The following PDE3A variants were observed in gnomAD, a reference collection of about 807,000 sequenced individuals.
PDE3A encodes phosphodiesterase 3A, also known as cGMP-inhibited 3',5'-cyclic phosphodiesterase 3A.
Under a neutral mutation model 98.3 loss-of-function variants are expected in PDE3A, and 43 were observed. That is an observed-to-expected ratio of 0.44 (90% CI 0.34 to 0.56). The LOEUF (loss-of-function observed/expected upper bound fraction) is 0.56, where lower values mean the gene tolerates loss of function less well. PDE3A is among the 20% of genes least tolerant of loss of function. PDE3A has a pLI of 0.01. For missense variants in PDE3A, 1,427 were observed against 1,440.7 expected (o/e 0.99, Z 0.15); for synonymous variants, 663 against 567.9 (o/e 1.17, Z -2.38).
intron 1 of PDE3A, among the ~76,000 whole-genome samples, chr12:20,412,765 C>T (rs898358977): frequency 2.0e-5 from 3 of 152,144 alleles, no homozygotes; most frequent in East Asian, 1.9e-4. Context: ...TCAAGGTAGT[C>T]GTTGAGTGGG....
At chr12:20,664,773 C>A (rs1365166563) in intron 15 of PDE3A, among the ~76,000 whole-genome samples, 1 of 152,128 alleles carries the variant, frequency 6.6e-6, no homozygotes, top group Non-Finnish European at 1.5e-5. Flanking sequence ...CTCTTGAGTC[C>A]ATTAAACCTC....
At chr12:20,441,729 G>A (rs758045691) in intron 1 of PDE3A, among the ~76,000 whole-genome samples, 1 of 152,062 alleles carries the variant, frequency 6.6e-6, no homozygotes, top group Non-Finnish European at 1.5e-5. Context: ...GGATGTTTTT[G>A]AGCAGAGTGA....
chr12:20,583,640 A>AC (rs746045540), intron 2 of PDE3A, among the ~76,000 whole-genome samples: 6 of 152,158 alleles, frequency 3.9e-5, no homozygotes, highest in Non-Finnish European at 7.4e-5. Flanking sequence ...ATTAGTACCT[A>AC]CTTTTCTGGA....
In PDE3A at chr12:20,680,034, G is replaced by T. The variant is rs1254219840; in HGVS notation, c.3189G>T (p.Lys1063Asn). The T allele has an allele frequency of 1.3e-6, 2 of 1,592,064 alleles. No homozygotes were observed. The stretch of plus-strand genomic sequence containing the variant: ...TTTTTATTTTATTTATTTTAGAAAA[G>T]AAGACTTTCAAAAGGAGAAAAATCT... ...ETCENNESPK[K>N]KTFKRRKIYC... Residue 1063 changes from lysine (K) to asparagine (N), a missense_variant, in exon 16 of 16, where the codon AAG becomes AAT. By Grantham distance (94) the Lys-to-Asn change is moderately conservative. Around this residue, in one of 3 missense-constraint regions of PDE3A, gnomAD observed 142 missense variants for 133.9 expected, o/e 1.06. Coordinates refer to ENST00000359062, the MANE Select transcript of PDE3A (RefSeq NM_000921.5).
intron 2 of PDE3A, among the ~76,000 whole-genome samples, chr12:20,587,659 A>G (rs1227525836): frequency 1.3e-5 from 2 of 152,236 alleles, no homozygotes; most frequent in African/African-American, 2.4e-5. Flanking sequence ...ATAAATGTAC[A>G]TCTAAGCTTC....
chr12:20,518,472 G>A (rs1263676095), intron 1 of PDE3A, among the ~76,000 whole-genome samples: 1 of 151,900 alleles, frequency 6.6e-6, no homozygotes, highest in African/African-American at 2.4e-5. Flanking sequence ...TTTACCTGTG[G>A]CTAATAAAAT....
At chr12:20,578,205 T>C (rs560409619) in intron 2 of PDE3A, among the ~76,000 whole-genome samples, 17 of 152,222 alleles carry the variant, frequency 1.1e-4, no homozygotes, top group Admixed American at 1.1e-3. Flanking sequence ...CTATATTCTT[T>C]ATGATCTTTA....
At chr12:20,516,056 T>C (rs1413543599) in intron 1 of PDE3A, among the ~76,000 whole-genome samples, 1 of 151,764 alleles carries the variant, frequency 6.6e-6, no homozygotes, top group Non-Finnish European at 1.5e-5. Flanking sequence ...TCAGAACATG[T>C]TGGCTTAGTA....
chr12:20,577,127 A>AC (rs983539717), intron 2 of PDE3A, among the ~76,000 whole-genome samples: 11 of 151,948 alleles, frequency 7.2e-5, no homozygotes, highest in Non-Finnish European at 1.3e-4. Context: ...TACATGAACC[A>AC]CCCCCACCCC....
At chr12:20,500,576 G>C (rs560140260) in intron 1 of PDE3A, among the ~76,000 whole-genome samples, 1 of 151,754 alleles carries the variant, frequency 6.6e-6, no homozygotes, top group East Asian at 1.9e-4. Flanking sequence ...TCTTTCTTCA[G>C]GATTTTTTTT....
At chr12:20,554,189 A>G (rs549593971) in intron 1 of PDE3A, among the ~76,000 whole-genome samples, 10 of 151,710 alleles carry the variant, frequency 6.6e-5, no homozygotes, top group African/African-American at 2.4e-4. Flanking sequence ...TTTAAATCAC[A>G]TACCTGCAGA....
chr12:20,541,041 A>G (rs12820858), intron 1 of PDE3A, among the ~76,000 whole-genome samples: 70,838 of 140,128 alleles, frequency 0.51, 18,354 homozygotes, highest in South Asian at 0.61. Context: ...AGTGTATATT[A>G]TTGACTCAAA....
chr12:20,611,275 AAATT>A (rs1300314405), intron 2 of PDE3A, among the ~76,000 whole-genome samples: 3 of 151,932 alleles, frequency 2.0e-5, no homozygotes, highest in African/African-American at 7.2e-5. Context: ...ATGTATCCTA[AAATT>A]ATTAATATTA....
intron 2 of PDE3A, among the ~76,000 whole-genome samples, chr12:20,597,973 T>G (rs1565443561): frequency 6.6e-6 from 1 of 151,944 alleles, no homozygotes; most frequent in Non-Finnish European, 1.5e-5. Flanking sequence ...CTATCATACT[T>G]ATGTTTTTTT....
chr12:20,529,252 A>C (rs1946579715), intron 1 of PDE3A, among the ~76,000 whole-genome samples: 1 of 152,140 alleles, frequency 6.6e-6, no homozygotes, highest in African/African-American at 2.4e-5. Context: ...TGCTATCAAT[A>C]CCACTTACCA....
rs923556621 is a variant in PDE3A, at chr12:20,640,742, C to T, written c.2251+785C>T. Among the ~76,000 whole-genome samples the T allele has an allele frequency of 1.1e-4, 17 of 151,830 alleles. No homozygotes were observed. In the East Asian group the frequency reaches 2.3e-3, roughly 21 times the overall value. Reference sequence around the variant, plus strand: ...TAAGTAAAATGGTCCTATAGTGCTACGAAATATATGGTTTGGGAGACAGTG... The same window carrying T: ...TAAGTAAAATGGTCCTATAGTGCTATGAAATATATGGTTTGGGAGACAGTG... On this transcript the variant is annotated intron_variant, in intron 10 of 15. Coordinates refer to ENST00000359062, the MANE Select transcript of PDE3A (RefSeq NM_000921.5).
At chr12:20,540,430 T>C (rs948651917) in intron 1 of PDE3A, among the ~76,000 whole-genome samples, 2 of 152,104 alleles carry the variant, frequency 1.3e-5, no homozygotes, top group Non-Finnish European at 2.9e-5. Context: ...TTGCATATAA[T>C]TTATTGATTC....
chr12:20,529,960 G>T (rs1946594321), intron 1 of PDE3A, among the ~76,000 whole-genome samples: 1 of 152,160 alleles, frequency 6.6e-6, no homozygotes, highest in Non-Finnish European at 1.5e-5. Flanking sequence ...TTCTTTTGCT[G>T]TAAAGATAAA....
At chr12:20,434,586 C>G (rs1261217713) in intron 1 of PDE3A, among the ~76,000 whole-genome samples, 1 of 152,058 alleles carries the variant, frequency 6.6e-6, no homozygotes, top group Non-Finnish European at 1.5e-5. Context: ...AGTGTAGTGG[C>G]AGGGACGGGG....
Sources: gnomAD v4.1 joint callset for allele counts (sites outside exome capture counted in the v4.1 genomes callset) on GRCh38, gnomAD v4.1.1 for gene constraint, gnomAD v4.1.1 regional missense constraint, MANE v1.5 for transcripts, NCBI Gene and HGNC (gene_info 2026-07-23, HGNC 2026-07-21) for gene names.